Variants in SLC38A11 observed in about 807,000 individuals in gnomAD.
The protein encoded by SLC38A11 is putative sodium-coupled neutral amino acid transporter 11.
In SLC38A11, 51 loss-of-function variants were observed where a neutral mutation model predicts 49.4. The observed-to-expected ratio is 1.03, with a 90% confidence interval of 0.83 to 1.30. The LOEUF is 1.30. SLC38A11 is among the 50% of genes most tolerant of loss of function. The probability of loss-of-function intolerance (pLI) is 0.00; values close to 1 mark genes in which losing one functional copy is unlikely to be tolerated. For synonymous variants in SLC38A11, 203 were observed against 192.9 expected, an observed-to-expected ratio of 1.05 and a Z score of -0.43; for missense variants, 574 against 556.2, an observed-to-expected ratio of 1.03 and a Z score of -0.32.
chr2:164,926,269 C>G (rs1559108811), intron 7 of SLC38A11, among the ~76,000 whole-genome samples: 1 of 152,184 alleles, frequency 6.6e-6, no homozygotes, highest in Non-Finnish European at 1.5e-5. Context: ...CCAAGTTTCT[C>G]ACCACCACAT....
intron 11 of SLC38A11, among the ~76,000 whole-genome samples, chr2:164,907,548 A>G (rs530381980): frequency 6.6e-6 from 1 of 152,206 alleles, no homozygotes; most frequent in Admixed American, 6.5e-5. Flanking sequence ...TTACAGTGTG[A>G]GCCACCGTTC....
At chr2:164,949,730 C>G (rs1688389797) in intron 3 of SLC38A11, among the ~76,000 whole-genome samples, 1 of 152,190 alleles carries the variant, frequency 6.6e-6, no homozygotes, top group African/African-American at 2.4e-5. Context: ...GGCAGGAGGA[C>G]TATCAATGGG....
rs1037465355 is a variant in SLC38A11 at position 164,915,037 on chromosome 2, T to C, written c.850+75A>G. 5 of 1,337,136 alleles carry C rather than the reference T, an allele frequency of 3.7e-6. No homozygotes were observed. The Admixed American group carries it at 6.8e-5, about 18-fold the overall frequency. The allele number at this position is 1,337,136 out of a possible 1,614,324, so 82.8% of individuals were successfully genotyped here. A position where few individuals can be genotyped will look rare whatever the true frequency, so the allele number is the denominator to read the frequency against. ...TGAAATAGAACACTGGGCATACCTG[T>C]AACAATAATGAGTAGAACATTCGGT... On this transcript the variant is annotated intron_variant, in intron 9 of 11. Transcript: ENST00000685975.
Position 164,897,596 on chromosome 2 carries a change from G to T in SLC38A11, c.*841C>A, listed in dbSNP as rs942823464. 6.6e-6 allele frequency: 1 copy of T among 152,138 alleles called. No homozygotes were observed. The allele number at this position is 152,138 out of a possible 1,614,324, so 9.4% of individuals were successfully genotyped here. A position where few individuals can be genotyped will look rare whatever the true frequency, so the allele number is the denominator to read the frequency against. On this transcript the variant is annotated 3_prime_UTR_variant, in exon 12 of 12. Transcript: ENST00000685975. ...GAGGAACCCCCAGTGGACTGAGAAA[G>T]CTTCTTCTGTAGCCCTGATTCTTCT...
In SLC38A11 at chr2:164,945,700, C is replaced by T. The variant is rs867687276; in HGVS notation, c.257G>A (p.Gly86Glu). 1 of 1,606,748 alleles carries T rather than the reference C, an allele frequency of 6.2e-7. No homozygotes were observed. ...GGTATCTGTTCCAGAGAGGGCCCCTCCTTTTATCAATAAAACAAGGGAAAA... is the reference window on the plus strand; with the variant it reads ...GGTATCTGTTCCAGAGAGGGCCCCTTCTTTTATCAATAAAACAAGGGAAAA... ...TDFSLVLLIK[G>E]GALSGTDTYQ... Residue 86 changes from glycine (G) to glutamate (E), a missense_variant, in exon 4 of 12, where the codon GGA becomes GAA. Gly to Glu is a moderately conservative substitution (Grantham distance 98, BLOSUM62 -2). Coordinates refer to ENST00000685975, the MANE Select transcript of SLC38A11 (RefSeq NM_001351537.2).
intron 5 of SLC38A11, among the ~76,000 whole-genome samples, chr2:164,943,395 C>T (rs528417438): frequency 5.3e-5 from 8 of 152,174 alleles, no homozygotes; most frequent in Non-Finnish European, 1.2e-4. Context: ...AAATGAAATG[C>T]TTCTCAGAAA....
Position 164,896,704 on chromosome 2 carries a change from A to C in SLC38A11, c.*1733T>G, listed in dbSNP as rs1684382934. ...ACAGAAAAGTTACCCAACAGAATTT[A>C]AATTAATTTAATGGTAAGGATAATA... is the stretch of plus-strand genomic sequence containing the variant. On this transcript the variant is annotated 3_prime_UTR_variant, in exon 12 of 12. Coordinates refer to ENST00000685975, the MANE Select transcript of SLC38A11 (RefSeq NM_001351537.2). The C allele has an allele frequency of 6.6e-6, 1 of 152,212 alleles. No individual in the cohort carries two copies. The highest frequency in any genetic ancestry group is 6.6e-5 in the Admixed American group (1 of 15,260). 9.4% of individuals were successfully genotyped at this position (152,212 alleles called of 1,614,324 possible).
chr2:164,924,459 A>G (rs968342490), intron 7 of SLC38A11, among the ~76,000 whole-genome samples: 1 of 152,198 alleles, frequency 6.6e-6, no homozygotes, highest in Non-Finnish European at 1.5e-5. Flanking sequence ...GTGTCATCCA[A>G]TAAACCCATG....
chr2:164,907,737 C>A (rs1004495989), intron 11 of SLC38A11, among the ~76,000 whole-genome samples: 4 of 151,954 alleles, frequency 2.6e-5, no homozygotes, highest in African/African-American at 9.7e-5. Flanking sequence ...TGCACTGGAT[C>A]TTAAAGTTTT....
At chr2:164,950,851 A>C (rs766855091) in intron 3 of SLC38A11, among the ~76,000 whole-genome samples, 12 of 152,196 alleles carry the variant, frequency 7.9e-5, no homozygotes, top group Non-Finnish European at 1.5e-4. Context: ...GATTAATTAT[A>C]GCTCCAATCT....
chr2:164,945,232 A>G (rs1232442282), intron 4 of SLC38A11, among the ~76,000 whole-genome samples: 1 of 151,122 alleles, frequency 6.6e-6, no homozygotes, highest in Non-Finnish European at 1.5e-5. Context: ...TTGGCCTAGT[A>G]CACGGCTTCC....
At position 164,939,624 on chromosome 2, in the gene SLC38A11, C is replaced by A. The variant is rs570005075; in HGVS notation, c.431-68G>T. On this transcript the variant is annotated intron_variant, in intron 5 of 11. Coordinates refer to ENST00000685975, the MANE Select transcript of SLC38A11 (RefSeq NM_001351537.2). Reference sequence around the variant, plus strand: ...ACACATTGGTGACACACTAAATAGGCCAGCATTTAATTATAAAAATTACTT... The same window carrying A: ...ACACATTGGTGACACACTAAATAGGACAGCATTTAATTATAAAAATTACTT... The A allele has an allele frequency of 4.2e-6, 4 of 956,880 alleles. No individual in the cohort carries two copies. The African/African-American group carries it at 6.6e-5, about 16-fold the overall frequency. The allele number at this position is 956,880 out of a possible 1,614,324, so 59.3% of individuals were successfully genotyped here. A position where few individuals can be genotyped will look rare whatever the true frequency, so the allele number is the denominator to read the frequency against.
chr2:164,935,605 G>T (rs563644327), intron 7 of SLC38A11, among the ~76,000 whole-genome samples: 44 of 151,794 alleles, frequency 2.9e-4, no homozygotes, highest in Admixed American at 4.6e-4. Context: ...GACTGCTTGA[G>T]CCCAGGAGTT....
At chr2:164,921,496 A>T (rs1041873164) in intron 7 of SLC38A11, among the ~76,000 whole-genome samples, 2 of 142,992 alleles carry the variant, frequency 1.4e-5, no homozygotes, top group Non-Finnish European at 3.1e-5. Context: ...TATATTTTTA[A>T]TTTTTTTTTT....
intron 11 of SLC38A11, among the ~76,000 whole-genome samples, chr2:164,903,333 A>G (rs920070658): frequency 6.6e-6 from 1 of 152,230 alleles, no homozygotes; most frequent in Admixed American, 6.5e-5. Context: ...AGCTGTCATC[A>G]GTCAGCCTTT....
At chr2:164,947,121 T>C (rs1688174286) in intron 3 of SLC38A11, among the ~76,000 whole-genome samples, 9 of 31,738 alleles carry the variant, frequency 2.8e-4, no homozygotes, top group African/African-American at 4.9e-4. Flanking sequence ...TTATCTCTTT[T>C]TTTTTTTTTT....
chr2:164,911,602 C>A lies in SLC38A11; in HGVS notation c.963+34G>T, dbSNP rs761185940. The A allele has an allele frequency of 1.6e-5, 18 of 1,101,856 alleles. No homozygotes were observed. In the Middle Eastern group the frequency reaches 1.5e-3, roughly 89 times the overall value. 68.3% of individuals were successfully genotyped at this position (1,101,856 alleles called of 1,614,324 possible). A position where few individuals can be genotyped will look rare whatever the true frequency, so the allele number is the denominator to read the frequency against. On this transcript the variant is annotated intron_variant, in intron 10 of 11. Transcript: ENST00000685975. Reference sequence around the variant, plus strand: ...TAAATTAAATGTGGCAGAGAGATCACCTGGGTAAAGCGTTGGGAAGGAACC... The same window carrying A: ...TAAATTAAATGTGGCAGAGAGATCAACTGGGTAAAGCGTTGGGAAGGAACC...
chr2:164,927,254 A>G (rs1686666311), intron 7 of SLC38A11, among the ~76,000 whole-genome samples: 1 of 152,164 alleles, frequency 6.6e-6, no homozygotes, highest in East Asian at 1.9e-4. Context: ...TTCAAATGCT[A>G]GTGCCTTGAT....
intron 11 of SLC38A11, among the ~76,000 whole-genome samples, chr2:164,902,905 T>A (rs1033928874): frequency 1.2e-4 from 18 of 152,174 alleles, no homozygotes; most frequent in Non-Finnish European, 2.4e-4. Flanking sequence ...ATGTTCTAAT[T>A]TAGAATATAT....
Sources: gnomAD v4.1 joint callset for allele counts (sites outside exome capture counted in the v4.1 genomes callset) on GRCh38, gnomAD v4.1.1 for gene constraint, MANE v1.5 for transcripts, NCBI Gene and HGNC (gene_info 2026-07-23, HGNC 2026-07-21) for gene names.